Variants in ARL15 observed in about 807,000 individuals in gnomAD.
ARL15 encodes the protein ADP-ribosylation factor-like protein 15.
A neutral mutation model predicts 25.2 loss-of-function variants in ARL15; 19 were observed. The observed-to-expected ratio is 0.75, with a 90% CI of 0.53 to 1.10. The LOEUF (loss-of-function observed/expected upper bound fraction) is 1.10. Among genes scored for constraint, ARL15 ranks in the 50% least tolerant of loss-of-function variants. The pLI is 0.00. For missense variants in ARL15, 220 were observed against 246.0 expected (o/e 0.89, Z 0.71); for synonymous variants, 94 against 86.8 (o/e 1.08, Z -0.46).
chr5:53,947,359 C>T (rs551651745), intron 4 of ARL15, among the ~76,000 whole-genome samples: 4 of 152,120 alleles, frequency 2.6e-5, no homozygotes, highest in Non-Finnish European at 5.9e-5. Context: ...GATAAAAACA[C>T]TTGCTGGGGG....
intron 3 of ARL15, among the ~76,000 whole-genome samples, chr5:54,122,546 T>C (rs1234428820): frequency 6.6e-6 from 1 of 152,264 alleles, no homozygotes; most frequent in African/African-American, 2.4e-5. Context: ...ATGACATTTC[T>C]CTTTCTTTTG....
At chr5:54,252,295 C>A (rs1757251092) in intron 1 of ARL15, among the ~76,000 whole-genome samples, 1 of 152,126 alleles carries the variant, frequency 6.6e-6, no homozygotes, top group South Asian at 2.1e-4. Context: ...GAAGAGACTG[C>A]CTCATTAAGT....
At chr5:54,062,954 A>C (rs1178467924) in intron 4 of ARL15, among the ~76,000 whole-genome samples, 1 of 152,234 alleles carries the variant, frequency 6.6e-6, no homozygotes, top group African/African-American at 2.4e-5. Context: ...AGTTTCAAGA[A>C]GTAGTTCCTC....
At chr5:53,887,353 C>A (rs1156645317) in intron 4 of ARL15, 1 of 700,844 alleles carries the variant, frequency 1.4e-6, no homozygotes, top group South Asian at 1.5e-5. Flanking sequence ...AAATCTTCTA[C>A]CTTTTTTTTT....
rs869196680 is a variant in ARL15, at chr5:54,163,356, C to CTTTTTTTTTTTTT, written c.193+8415_193+8427dup. 3.6e-4 allele frequency among the ~76,000 whole-genome samples: 20 copies of CTTTTTTTTTTTTT among 55,636 alleles called. 1 individual carries two copies. The highest frequency in any genetic ancestry group is 6.3e-4 in the Non-Finnish European group (18 of 28,768). The allele number at this position is 55,636 out of a possible 152,430, so 36.5% of individuals were successfully genotyped here. On this transcript the variant is annotated intron_variant, in intron 2 of 4. Transcript: ENST00000504924. ...GTCCATGAGGGCTATTGGTATGAAG[C>CTTTTTTTTTTTTT]TTTTTTTTTTTTTTTTTTTTTTTTT...
At chr5:54,270,999 C>T (rs1561290385) in intron 1 of ARL15, among the ~76,000 whole-genome samples, 1 of 152,306 alleles carries the variant, frequency 6.6e-6, no homozygotes, top group East Asian at 1.9e-4. Context: ...ATCTGGAATA[C>T]ACTCATCCCC....
intron 4 of ARL15, among the ~76,000 whole-genome samples, chr5:54,043,770 T>C (rs1046535745): frequency 6.6e-6 from 1 of 151,758 alleles, no homozygotes; most frequent in African/African-American, 2.4e-5. Flanking sequence ...ACCATGAAAC[T>C]TGGAAACATT....
At chr5:54,227,162 A>G (rs1036463603) in intron 1 of ARL15, among the ~76,000 whole-genome samples, 3 of 152,232 alleles carry the variant, frequency 2.0e-5, no homozygotes, top group Non-Finnish European at 2.9e-5. Flanking sequence ...ACAAGATGGC[A>G]AAGTAACTGG....
intron 4 of ARL15, among the ~76,000 whole-genome samples, chr5:53,998,360 T>C (rs1748749011): frequency 6.6e-6 from 1 of 151,230 alleles, no homozygotes; most frequent in Non-Finnish European, 1.5e-5. Context: ...CTGGCTGGCC[T>C]CAGCCCTTTA....
chr5:54,283,961 G>A (rs1472628779), intron 1 of ARL15, among the ~76,000 whole-genome samples: 1 of 152,168 alleles, frequency 6.6e-6, no homozygotes, highest in Admixed American at 6.5e-5. Context: ...TAGCTCCAGT[G>A]ACAATCTTGG....
intron 3 of ARL15, among the ~76,000 whole-genome samples, chr5:54,116,806 C>T (rs1056945985): frequency 6.6e-6 from 1 of 151,998 alleles, no homozygotes; most frequent in Admixed American, 6.5e-5. Flanking sequence ...TGTAACTTGC[C>T]CAAGGTTACA....
intron 4 of ARL15, among the ~76,000 whole-genome samples, chr5:54,054,490 T>C (rs1471786992): frequency 6.6e-6 from 1 of 152,120 alleles, no homozygotes; most frequent in African/African-American, 2.4e-5. Flanking sequence ...GTGGATGAGC[T>C]TTAGAGAAAC....
chr5:54,272,854 T>C (rs1579971555), intron 1 of ARL15, among the ~76,000 whole-genome samples: 1 of 152,330 alleles, frequency 6.6e-6, no homozygotes, highest in East Asian at 1.9e-4. Flanking sequence ...CTTGCAATTA[T>C]AGCCACTATT....
chr5:53,886,315 CG>C lies in ARL15; in HGVS notation c.*245del. Reference sequence around the variant, plus strand: ...TAGAACAACAGAAGGAAGAGACATGCGGGGAAGATAATTAGTGGTAAACAGA... The same window carrying C: ...TAGAACAACAGAAGGAAGAGACATGCGGGAAGATAATTAGTGGTAAACAGA... On this transcript the variant is annotated 3_prime_UTR_variant, in exon 5 of 5. Transcript: ENST00000504924. 2 of 396,422 alleles carry C rather than the reference CG, an allele frequency of 5.0e-6. No homozygotes were observed. Among genetic ancestry groups the C allele is most frequent in the Non-Finnish European group, 4.5e-6 (1 of 221,510 alleles). The allele number at this position is 396,422 out of a possible 1,614,324, so 24.6% of individuals were successfully genotyped here.
At chr5:53,944,761 A>T (rs1746669346) in intron 4 of ARL15, among the ~76,000 whole-genome samples, 1 of 152,122 alleles carries the variant, frequency 6.6e-6, no homozygotes, top group African/African-American at 2.4e-5. Flanking sequence ...ATTCACTACA[A>T]ATGTATCAGC....
At chr5:54,078,990 G>C (rs1328148886) in intron 4 of ARL15, among the ~76,000 whole-genome samples, 3 of 151,958 alleles carry the variant, frequency 2.0e-5, no homozygotes, top group Admixed American at 2.0e-4. Context: ...GAATTCAGTG[G>C]TTTGTGCATT....
chr5:54,110,871 A>G (rs1752719570), intron 4 of ARL15, among the ~76,000 whole-genome samples: 1 of 152,054 alleles, frequency 6.6e-6, no homozygotes, highest in Non-Finnish European at 1.5e-5. Context: ...TATGCCAACA[A>G]TAAGGTACTG....
At chr5:53,957,299 G>T (rs1335815365) in intron 4 of ARL15, among the ~76,000 whole-genome samples, 3 of 151,968 alleles carry the variant, frequency 2.0e-5, no homozygotes, top group Non-Finnish European at 4.4e-5. Flanking sequence ...AAAAAGGAGT[G>T]GGACAACATT....
At chr5:54,280,464 CAAAACAGA>C (rs1462443424) in intron 1 of ARL15, among the ~76,000 whole-genome samples, 1 of 152,132 alleles carries the variant, frequency 6.6e-6, no homozygotes, top group Non-Finnish European at 1.5e-5. Context: ...CAAATAAAGG[CAAAACAGA>C]AAATTATTCT....
Sources: gnomAD v4.1 joint callset for allele counts (sites outside exome capture counted in the v4.1 genomes callset) on GRCh38, gnomAD v4.1.1 for gene constraint, MANE v1.5 for transcripts, NCBI Gene and HGNC (gene_info 2026-07-23, HGNC 2026-07-21) for gene names.